The following SARDH variants were observed in gnomAD, a reference collection of about 807,000 sequenced individuals.
The protein encoded by SARDH is sarcosine dehydrogenase, mitochondrial.
In SARDH, 95 loss-of-function variants were observed where a neutral mutation model predicts 109.1. The observed-to-expected ratio is 0.87, with a 90% CI of 0.74 to 1.03. The LOEUF is 1.03. Ranked by LOEUF, SARDH falls within the 50% of genes least tolerant of loss-of-function variation. SARDH has a pLI of 0.00. For missense variants in SARDH, 1,267 were observed against 1,287.8 expected, an observed-to-expected ratio of 0.98 and a Z score of 0.25; for synonymous variants, 572 against 534.8, an observed-to-expected ratio of 1.07 and a Z score of -0.96.
At chr9:133,661,638 C>T (rs755071553), downstream of SARDH, among the ~76,000 whole-genome samples, 3 of 152,028 alleles carry the variant, frequency 2.0e-5, no homozygotes, top group South Asian at 2.1e-4. Flanking sequence ...TGTGCCACCA[C>T]GCCCAGCTAA....
intron 4 of SARDH, among the ~76,000 whole-genome samples, chr9:133,730,953 GGCGACAGA>G (rs1185149453): frequency 9.9e-5 from 15 of 152,156 alleles, no homozygotes; most frequent in African/African-American, 3.1e-4. Context: ...CTACAGCCTG[GGCGACAGA>G]GCGAGATACT....
rs780952882 is a variant in SARDH, at chr9:133,685,233, G to A, written c.2123C>T (p.Pro708Leu). ...TCTCAGTAGCTTGTGGGTGGAGAAC[G>A]GGAAGGCCTCGTTGCTCAGGTCTGC... ...LDADLSNEAF[P>L]FSTHKLLRAA... Residue 708 changes from proline (P) to leucine (L), a missense_variant, in exon 17 of 21, where the codon CCG (proline) becomes CTG (leucine). Coordinates refer to ENST00000439388, the MANE Select transcript of SARDH (RefSeq NM_001134707.2). The A allele has an allele frequency of 3.7e-6, 6 of 1,613,980 alleles. No individual in the cohort carries two copies. The highest frequency in any genetic ancestry group is 1.7e-5 in the Admixed American group (1 of 60,008).
chr9:133,700,717 A>G (rs1018290883), intron 13 of SARDH, among the ~76,000 whole-genome samples: 1 of 131,792 alleles, frequency 7.6e-6, no homozygotes, highest in East Asian at 2.3e-4. Flanking sequence ...TTTTCAAAGC[A>G]CACACACACA....
chr9:133,737,652 C>G (rs1293147052), intron 1 of SARDH, among the ~76,000 whole-genome samples: 1 of 152,224 alleles, frequency 6.6e-6, no homozygotes, highest in Non-Finnish European at 1.5e-5. Flanking sequence ...AAAGCGACAG[C>G]TGCTGGCGCC....
intron 8 of SARDH, among the ~76,000 whole-genome samples, chr9:133,717,119 C>T (rs946254235): frequency 1.3e-5 from 2 of 152,182 alleles, no homozygotes; most frequent in Non-Finnish European, 2.9e-5. Flanking sequence ...AGATGATGGC[C>T]CTTGTGAAGC....
intron 19 of SARDH, among the ~76,000 whole-genome samples, chr9:133,668,165 C>A (rs1173385448): frequency 6.6e-6 from 1 of 151,872 alleles, no homozygotes; most frequent in East Asian, 1.9e-4. Flanking sequence ...GGCCCCCTCT[C>A]CAGGAGCTGA....
intron 6 of SARDH, among the ~76,000 whole-genome samples, chr9:133,729,256 T>TGAGGACAGGAGAGAAGA (rs1832591993): frequency 6.6e-6 from 1 of 151,404 alleles, no homozygotes; most frequent in Non-Finnish European, 1.5e-5. Flanking sequence ...AGGGAGGAGT[T>TGAGGACAGGAGAGAAGA]GAGGACAGGA....
chr9:133,717,500 GCCATGCATCC>G, intron 7 of SARDH, 45 bp from the exon 8 acceptor site: 1 of 1,609,334 alleles, frequency 6.2e-7, no homozygotes, highest in Non-Finnish European at 8.5e-7. Context: ...CCCCAAGAAG[GCCATGCATCC>G]CCATGCCAAA....
Position 133,704,280 on chromosome 9 carries a change from G to A in SARDH, c.1554+668C>T, listed in dbSNP as rs113009809. Among the ~76,000 whole-genome samples the A allele has an allele frequency of 1.0e-3, 154 of 152,294 alleles. No homozygotes were observed. The highest frequency in any genetic ancestry group is 3.4e-3 in the Middle Eastern group (1 of 294). Reference sequence around the variant, plus strand: ...GGTGGGTGCACCAGAGGGGACTGGTGAGACGCAGCCCCGGGAAGGGGATTT... The same window carrying A: ...GGTGGGTGCACCAGAGGGGACTGGTAAGACGCAGCCCCGGGAAGGGGATTT... On this transcript the variant is annotated intron_variant, in intron 12 of 20. Coordinates refer to ENST00000439388, the MANE Select transcript of SARDH (RefSeq NM_001134707.2). The surrounding 1 kb of genome is among the most constrained non-coding windows in gnomAD (Gnocchi z 4.5).
At chr9:133,696,847 T>C (rs899929575) in intron 13 of SARDH, among the ~76,000 whole-genome samples, 2 of 152,140 alleles carry the variant, frequency 1.3e-5, no homozygotes, top group Non-Finnish European at 2.9e-5. Context: ...CAGGGAAATT[T>C]CTGCTTGTAT....
chr9:133,713,007 G>T, intron 9 of SARDH, 31 bp downstream of exon 9: 1 of 1,588,098 alleles, frequency 6.3e-7, no homozygotes, highest in Non-Finnish European at 8.6e-7. Context: ...CCTCCCTCTT[G>T]GGGGCCAGGA....
chr9:133,736,758 G>A (rs950471455), intron 1 of SARDH, among the ~76,000 whole-genome samples: 7 of 152,198 alleles, frequency 4.6e-5, no homozygotes, highest in African/African-American at 1.7e-4. Context: ...TGGAAGGGTG[G>A]GGTGGTGTCC....
At chr9:133,699,592 A>G (rs1305155418) in intron 13 of SARDH, among the ~76,000 whole-genome samples, 1 of 152,214 alleles carries the variant, frequency 6.6e-6, no homozygotes, top group Non-Finnish European at 1.5e-5. Context: ...CACAGAATAT[A>G]TGCAAGTGGA....
At chr9:133,660,583 T>G (rs757206764), downstream of SARDH, among the ~76,000 whole-genome samples, 1 of 152,202 alleles carries the variant, frequency 6.6e-6, no homozygotes, top group Admixed American at 6.5e-5. Flanking sequence ...CAGCCCAGGT[T>G]GCTATTCCTG....
At position 133,693,826 on chromosome 9, in the gene SARDH, C is replaced by G. The variant is rs769484918; in HGVS notation, c.1921+432G>C. The stretch of plus-strand genomic sequence containing the variant: ...GCATCAGCGTGGGCCCTGAACTGGA[C>G]GTCTTCTAAGGGCCTATCCAAGCTC... On this transcript the variant is annotated intron_variant, in intron 15 of 20. Transcript: ENST00000439388. This position sits in a 1 kb window ranked among gnomAD's most constrained non-coding sequence, Gnocchi z 5.6. Among the ~76,000 whole-genome samples the G allele has an allele frequency of 2.6e-5, 4 of 152,188 alleles. No individual in the cohort carries two copies. Among genetic ancestry groups the G allele is most frequent in the African/African-American group, 9.7e-5 (4 of 41,432 alleles).
At chr9:133,734,240 G>A in intron 1 of SARDH, 37 bp from the exon 2 acceptor site, 1 of 1,380,926 alleles carries the variant, frequency 7.2e-7, no homozygotes, top group Non-Finnish European at 9.6e-7. Flanking sequence ...GGTGCAGAGG[G>A]GACACGCTGG....
Position 133,709,547 on chromosome 9 carries a change from C to T in SARDH, c.1329-1119G>A, listed in dbSNP as rs561975746. ...GCCACATCAGAGGCGTTTCTATCCT[C>T]AGTGACACCTGTCAGGGCTGATTCT... is the stretch of plus-strand genomic sequence containing the variant. On this transcript the variant is annotated intron_variant, in intron 10 of 20. Coordinates refer to ENST00000439388, the MANE Select transcript of SARDH (RefSeq NM_001134707.2). The surrounding 1 kb of genome is among the most constrained non-coding windows in gnomAD (Gnocchi z 4.2). 1.2e-4 allele frequency among the ~76,000 whole-genome samples: 19 copies of T among 152,304 alleles called. No homozygotes were observed. The highest frequency in any genetic ancestry group is 1.9e-4 in the Non-Finnish European group (13 of 68,036).
chr9:133,666,942 G>C lies in SARDH; in HGVS notation c.2496-72C>G, dbSNP rs750621976. The C allele has an allele frequency of 1.9e-6, 3 of 1,578,996 alleles. No individual in the cohort carries two copies. Among genetic ancestry groups the C allele is most frequent in the Non-Finnish European group, 2.6e-6 (3 of 1,160,372 alleles). On this transcript the variant is annotated intron_variant, in intron 19 of 20. Coordinates refer to ENST00000439388, the MANE Select transcript of SARDH (RefSeq NM_001134707.2). This position sits in a 1 kb window ranked among gnomAD's most constrained non-coding sequence, Gnocchi z 5.2. ...GGGGACGCGTCCACAGCGGCCTGGA[G>C]GAGAATGGGGGGCTGCATGATGCAC...
intron 13 of SARDH, among the ~76,000 whole-genome samples, chr9:133,701,965 G>A (rs1164620597): frequency 1.3e-5 from 2 of 152,216 alleles, no homozygotes; most frequent in South Asian, 2.1e-4. Flanking sequence ...GGCAACGGAC[G>A]ACCGCAGGGT....
Sources: gnomAD v4.1 joint callset for allele counts (sites outside exome capture counted in the v4.1 genomes callset) on GRCh38, gnomAD v4.1.1 for gene constraint, Gnocchi (gnomAD v3.1) non-coding constraint, MANE v1.5 for transcripts, NCBI Gene and HGNC (gene_info 2026-07-23, HGNC 2026-07-21) for gene names.